CRIP2: variants seen among roughly 807,000 people sequenced by gnomAD.
The protein encoded by CRIP2 is cysteine rich protein 2, also known as cysteine-rich protein 2.
A neutral mutation model predicts 31.3 loss-of-function variants in CRIP2; 31 were observed. That is an observed-to-expected ratio of 0.99 (90% CI 0.74 to 1.34). CRIP2 has a LOEUF of 1.34. Ranked by LOEUF, CRIP2 falls within the 40% of genes most tolerant of loss-of-function variation. The pLI is 0.00. For missense variants in CRIP2, 389 were observed against 301.6 expected (o/e 1.29, Z -2.15); for synonymous variants, 177 against 127.2 (o/e 1.39, Z -2.63).
rs2084010011 is a variant in CRIP2 at position 105,478,693 on chromosome 14, A to G, written c.197-38A>G. ...GAGATGCCCGGTGGCCGCGGCCCCC[A>G]CCCCACGTACCCCCGCCCCACGTAC... On this transcript the variant is annotated intron_variant, in intron 3 of 7. Transcript: ENST00000329146. This position sits in a 1 kb window ranked among gnomAD's most constrained non-coding sequence, Gnocchi z 4.9. The G allele has an allele frequency of 2.9e-6, 4 of 1,386,458 alleles. No individual in the cohort carries two copies. The highest frequency in any genetic ancestry group is 2.8e-6 in the Non-Finnish European group (3 of 1,062,714). 85.9% of individuals were successfully genotyped at this position (1,386,458 alleles called of 1,614,324 possible).
In CRIP2 at chr14:105,478,420, C is replaced by G; in HGVS notation, c.139-30C>G. 3 of 1,593,978 alleles carry G rather than the reference C, an allele frequency of 1.9e-6. No individual in the cohort carries two copies. Among genetic ancestry groups the G allele is most frequent in the Non-Finnish European group, 2.6e-6 (3 of 1,174,220 alleles). On this transcript the variant is annotated intron_variant, in intron 2 of 7. Coordinates refer to ENST00000329146, the MANE Select transcript of CRIP2 (RefSeq NM_001312.4). This position sits in a 1 kb window ranked among gnomAD's most constrained non-coding sequence, Gnocchi z 4.9. Reference sequence around the variant, plus strand: ...GGTCGCGACTCCCGCCACCCTCAGGCAGGGTCCTGACCCGCGCCCCTCTGC... The same window carrying G: ...GGTCGCGACTCCCGCCACCCTCAGGGAGGGTCCTGACCCGCGCCCCTCTGC...
intron 1 of CRIP2, chr14:105,476,999 C>T: frequency 5.6e-6 from 1 of 179,122 alleles, no homozygotes; most frequent in Non-Finnish European, 1.1e-5. Flanking sequence ...CGATATCTGC[C>T]AGACAAAGGG....
Position 105,474,938 on chromosome 14 carries a change from G to A in CRIP2, c.43+33G>A. 6.7e-7 allele frequency: 1 copy of A among 1,485,060 alleles called. No individual in the cohort carries two copies. Among genetic ancestry groups the A allele is most frequent in the Admixed American group, 2.3e-5 (1 of 43,612 alleles). 92.0% of individuals were successfully genotyped at this position (1,485,060 alleles called of 1,614,324 possible). ...CGTGCCCGCTCCCGGCCCGCTCGGT[G>A]CATCCCGCCGCCCTTCGCGGCCAGT... On this transcript the variant is annotated intron_variant, in intron 1 of 7. Transcript: ENST00000329146. This position sits in a 1 kb window ranked among gnomAD's most constrained non-coding sequence, Gnocchi z 5.1.
At chr14:105,476,404 G>A (rs1445636350) in intron 1 of CRIP2, 2 of 985,500 alleles carry the variant, frequency 2.0e-6, no homozygotes, top group Non-Finnish European at 1.2e-6. Flanking sequence ...GGCTGCCCCC[G>A]CAGCTCATAC....
intron 1 of CRIP2, chr14:105,476,104 C>T (rs1293753368): frequency 8.1e-6 from 8 of 985,434 alleles, no homozygotes; most frequent in African/African-American, 1.7e-5. Context: ...GCTCAGCCCT[C>T]AGTCTCTGTC....
chr14:105,475,318 CTGGA>C (rs2141746276), intron 1 of CRIP2: 1 of 174,052 alleles, frequency 5.7e-6, no homozygotes, highest in South Asian at 1.8e-4. Context: ...GCCCTTTCTC[CTGGA>C]CCCCCTACAC....
rs1469371051 is a variant in CRIP2, at chr14:105,478,782, A to G, written c.248A>G (p.Glu83Gly). 1.1e-5 allele frequency: 16 copies of G among 1,428,550 alleles called. No individual in the cohort carries two copies. Among genetic ancestry groups the G allele is most frequent in the Non-Finnish European group, 1.4e-5 (15 of 1,098,300 alleles). The allele number at this position is 1,428,550 out of a possible 1,614,324, so 88.5% of individuals were successfully genotyped here. ...TACATCTACGAGAAGCCCCTGGCGG[A>G]GGGGCCGCAGGTCACCGGCCCCATC... ...GSYIYEKPLA[E>G]GPQVTGPIEV... is the part of the protein sequence containing the mutation. Residue 83 changes from glutamate to glycine, a missense_variant, in exon 4 of 8, where the codon GAG becomes GGG. By Grantham distance (98) the Glu-to-Gly change is moderately conservative. Coordinates refer to ENST00000329146, the MANE Select transcript of CRIP2 (RefSeq NM_001312.4). The surrounding 1 kb of genome is among the most constrained non-coding windows in gnomAD (Gnocchi z 4.9).
chr14:105,475,298 GTGGGCC>G, intron 1 of CRIP2: 1 of 189,226 alleles, frequency 5.3e-6, no homozygotes. Context: ...GCGCGCTCCC[GTGGGCC>G]TGGGCCCTTT....
At chr14:105,473,383 G>C, upstream of CRIP2, 1 of 1,535,716 alleles carries the variant, frequency 6.5e-7, no homozygotes, top group Non-Finnish European at 8.7e-7. Flanking sequence ...GGCAGTGGCT[G>C]CAGGGTGTGT....
intron 1 of CRIP2, among the ~76,000 whole-genome samples, chr14:105,477,854 AGGCAG>A: frequency 1.1e-5 from 1 of 89,010 alleles, no homozygotes; most frequent in East Asian, 3.1e-4. Context: ...GGTGTCCGGG[AGGCAG>A]GTGTTGGAGC....
chr14:105,479,384 T>C, intron 6 of CRIP2, 52 bp from the exon 7 acceptor site: 3 of 1,608,862 alleles, frequency 1.9e-6, no homozygotes, highest in Non-Finnish European at 2.5e-6. Context: ...CTCCAGGTGA[T>C]GGGTCGGGGG....
chr14:105,478,272 A>G lies in CRIP2; in HGVS notation c.50A>G (p.Lys17Arg). 1.3e-6 allele frequency: 2 copies of G among 1,556,156 alleles called. No homozygotes were observed. The highest frequency in any genetic ancestry group is 1.7e-6 in the Non-Finnish European group (2 of 1,153,404). Residue 17 changes from lysine (K) to arginine (R), a missense_variant, in exon 2 of 8, where the codon AAG becomes AGG. Lys to Arg is a conservative substitution (Grantham distance 26). Coordinates refer to ENST00000329146, the MANE Select transcript of CRIP2 (RefSeq NM_001312.4). This position sits in a 1 kb window ranked among gnomAD's most constrained non-coding sequence, Gnocchi z 4.9. ...KCDKTVYFAE[K>R]VSSLGKDWHK... ...TGCCGCCCCTCCCGCTCAGCCGAGA[A>G]GGTGAGCTCCCTGGGGAAGGACTGG...
rs1349344113 is a variant in CRIP2, at chr14:105,478,693, ACCCCACGTACCCCCG to A, written c.197-23_197-9del. ...GAGATGCCCGGTGGCCGCGGCCCCC[ACCCCACGTACCCCCG>A]CCCCACGTACCCCCACCCGCAGGCG... On this transcript the variant is annotated intron_variant, in intron 3 of 7. Coordinates refer to ENST00000329146, the MANE Select transcript of CRIP2 (RefSeq NM_001312.4). This position sits in a 1 kb window ranked among gnomAD's most constrained non-coding sequence, Gnocchi z 4.9. 2.4e-5 allele frequency: 33 copies of A among 1,386,310 alleles called. No individual in the cohort carries two copies. The highest frequency in any genetic ancestry group is 8.2e-5 in the Admixed American group (3 of 36,612). 85.9% of individuals were successfully genotyped at this position (1,386,310 alleles called of 1,614,324 possible). A position where few individuals can be genotyped will look rare whatever the true frequency, so the allele number is the denominator to read the frequency against.
In CRIP2 at chr14:105,479,454, T is replaced by C. The variant is rs782240987; in HGVS notation, c.520T>C (p.Cys174Arg). The C allele has an allele frequency of 1.2e-6, 2 of 1,612,892 alleles. No homozygotes were observed. Among genetic ancestry groups the C allele is most frequent in the Non-Finnish European group, 1.7e-6 (2 of 1,179,960 alleles). ...GHAEHDGQPY[C>R]HKPCYGILFG... The stretch of plus-strand genomic sequence containing the variant: ...GCCCCAGCACGACGGCCAGCCCTAC[T>C]GCCACAAGCCCTGCTATGGAATCCT... Residue 174 changes from cysteine (C) to arginine (R), a missense_variant, in exon 7 of 8, where the codon TGC becomes CGC. Coordinates refer to ENST00000329146, the MANE Select transcript of CRIP2 (RefSeq NM_001312.4).
chr14:105,478,812 TC>T lies in CRIP2; in HGVS notation c.282del (p.Ala95ArgfsTer45). The T allele has an allele frequency of 7.0e-7, 1 of 1,426,868 alleles. No homozygotes were observed. The highest frequency in any genetic ancestry group is 9.1e-7 in the Non-Finnish European group (1 of 1,099,440). The allele number at this position is 1,426,868 out of a possible 1,614,324, so 88.4% of individuals were successfully genotyped here. Reference protein sequence around the residue: ...EGPQVTGPIEVPAARAEERKA... With the variant: ...EGPQVTGPIEXPAARAEERKA... Reference sequence around the variant, plus strand: ...CCGCAGGTCACCGGCCCCATCGAGGTCCCCGCGGCCCGAGCAGAGGAGCGGA... The same window carrying T: ...CCGCAGGTCACCGGCCCCATCGAGGTCCCGCGGCCCGAGCAGAGGAGCGGA... On this transcript the variant is annotated frameshift_variant, in exon 4 of 8. Coordinates refer to ENST00000329146, the MANE Select transcript of CRIP2 (RefSeq NM_001312.4). LOFTEE classifies it high-confidence loss of function. The surrounding 1 kb of genome is among the most constrained non-coding windows in gnomAD (Gnocchi z 4.9).
Position 105,479,232 on chromosome 14 carries a change from C to G in CRIP2, c.501+13C>G. The G allele has an allele frequency of 6.3e-7, 1 of 1,574,886 alleles. No individual in the cohort carries two copies. Among genetic ancestry groups the G allele is most frequent in the Non-Finnish European group, 8.7e-7 (1 of 1,149,124 alleles). On this transcript the variant is annotated intron_variant, in intron 6 of 7. Coordinates refer to ENST00000329146, the MANE Select transcript of CRIP2 (RefSeq NM_001312.4). Reference sequence around the variant, plus strand: ...CGGGCACGCGGAGGTGAGGGGAGTGCAACGGGGCTTGGGGGCCGGGCAGGG... The same window carrying G: ...CGGGCACGCGGAGGTGAGGGGAGTGGAACGGGGCTTGGGGGCCGGGCAGGG...
Position 105,474,994 on chromosome 14 carries a change from G to T in CRIP2, c.43+89G>T, listed in dbSNP as rs2083901379. The T allele has an allele frequency of 7.6e-7, 1 of 1,313,434 alleles. No individual in the cohort carries two copies. The highest frequency in any genetic ancestry group is 9.8e-7 in the Non-Finnish European group (1 of 1,020,702). The allele number at this position is 1,313,434 out of a possible 1,614,324, so 81.4% of individuals were successfully genotyped here. A position where few individuals can be genotyped will look rare whatever the true frequency, so the allele number is the denominator to read the frequency against. On this transcript the variant is annotated intron_variant, in intron 1 of 7. Transcript: ENST00000329146. This position sits in a 1 kb window ranked among gnomAD's most constrained non-coding sequence, Gnocchi z 5.1. ...GCCGCAGAGCCGCGGCGTAACTCGG[G>T]GTGCGCCCGGCCCCGGCCCCGGACC...
chr14:105,479,327 G>A (rs587632346), intron 6 of CRIP2, 108 bp downstream of exon 6: 6 of 1,545,034 alleles, frequency 3.9e-6, no homozygotes, highest in South Asian at 2.3e-5. Context: ...TCTGGGAGCT[G>A]CGCTGCCCTC....
At chr14:105,474,176 C>G (rs2083885662), upstream of CRIP2, 1 of 153,394 alleles carries the variant, frequency 6.5e-6, no homozygotes, top group African/African-American at 2.4e-5. This position sits in a 1 kb window ranked among gnomAD's most constrained non-coding sequence, Gnocchi z 5.1. Context: ...GCCCTGCCCT[C>G]CACCCAAGGA....
Sources: allele counts gnomAD v4.1 joint callset (sites outside exome capture counted in the v4.1 genomes callset), GRCh38; gene constraint gnomAD v4.1.1; non-coding constraint Gnocchi (gnomAD v3.1); transcripts MANE v1.5; gene names NCBI Gene and HGNC (gene_info 2026-07-23, HGNC 2026-07-21).